LATS2: variants seen among roughly 807,000 people sequenced by gnomAD.
LATS2 encodes serine/threonine-protein kinase LATS2.
LATS2 carries 24 observed loss-of-function variants against 76.0 expected under a neutral mutation model. That is an observed-to-expected ratio of 0.32 (90% CI 0.23 to 0.44). The LOEUF (loss-of-function observed/expected upper bound fraction) is 0.44, where lower values mean the gene tolerates loss of function less well. Ranked by LOEUF, LATS2 falls within the 20% of genes least tolerant of loss-of-function variation. The probability of loss-of-function intolerance (pLI) is 1.00; values close to 1 mark genes in which losing one functional copy is unlikely to be tolerated. For synonymous variants in LATS2, 692 were observed against 635.4 expected, an observed-to-expected ratio of 1.09 and a Z score of -1.34; for missense variants, 1,286 against 1,481.2, an observed-to-expected ratio of 0.87 and a Z score of 2.16.
At chr13:21,036,658 A>C (rs1374561087) in intron 2 of LATS2, among the ~76,000 whole-genome samples, 3 of 152,026 alleles carry the variant, frequency 2.0e-5, no homozygotes, top group Non-Finnish European at 4.4e-5. Flanking sequence ...CTGTAATCCC[A>C]GCTACTCAAG....
chr13:20,988,013 C>T lies in LATS2; in HGVS notation c.1767G>A (p.Lys589=), dbSNP rs1221564621. ...PVRKNSRDEE[K]RESRIKSYSP... ...AGTAGCTCTTGATGCGTGACTCTCT[C>T]TTCTCTTCGTCTCTGCTGTTTTTGC... Residue 589 remains lysine (K), a synonymous_variant, in exon 4 of 8, where the codon AAG becomes AAA. Transcript: ENST00000382592. The T allele has an allele frequency of 2.5e-6, 4 of 1,614,272 alleles. No homozygotes were observed. The South Asian group carries it at 3.3e-5, about 13-fold the overall frequency.
intron 2 of LATS2, among the ~76,000 whole-genome samples, chr13:21,017,493 G>A (rs1455888810): frequency 1.3e-5 from 2 of 151,964 alleles, no homozygotes; most frequent in Non-Finnish European, 2.9e-5. Context: ...ACATTGTTAT[G>A]TGCAACCCAC....
chr13:21,019,295 TTTG>T (rs1366040006), intron 2 of LATS2, among the ~76,000 whole-genome samples: 5 of 108,770 alleles, frequency 4.6e-5, no homozygotes, highest in African/African-American at 6.9e-5. Context: ...CTCACTTGGA[TTTG>T]TTATTATTAT....
chr13:21,004,674 G>A (rs1243515114), intron 2 of LATS2, among the ~76,000 whole-genome samples: 8 of 152,148 alleles, frequency 5.3e-5, no homozygotes, highest in East Asian at 1.9e-4. Context: ...GGCAGGAAGC[G>A]CTTTGCTCTA....
intron 2 of LATS2, among the ~76,000 whole-genome samples, chr13:21,039,232 TAA>T (rs1220186778): frequency 1.3e-5 from 2 of 152,162 alleles, no homozygotes; most frequent in East Asian, 1.9e-4. Flanking sequence ...TTCCTAAACT[TAA>T]GTGTTTCTTT....
chr13:20,981,475 G>A lies in LATS2; in HGVS notation c.2656C>T (p.Leu886Phe), dbSNP rs748793724. ...GCCATGGCGCATGTACCTTTGCGGA[G>A]GAGCACCTCGGGTGCGATGTAGTTT... is the stretch of plus-strand genomic sequence containing the variant. ...TPNYIAPEVL[L>F]RKGYTQLCDW... The change falls in exon 6 of 8, where the codon CTC becomes TTC. Residue 886 changes from leucine (L) to phenylalanine (F), a missense_variant. By Grantham distance (22) the Leu-to-Phe change is conservative. Coordinates refer to ENST00000382592, the MANE Select transcript of LATS2 (RefSeq NM_014572.3). 11 of 1,613,424 alleles carry A rather than the reference G, an allele frequency of 6.8e-6. No individual in the cohort carries two copies. In the South Asian group the frequency reaches 1.2e-4, roughly 18 times the overall value.
chr13:21,001,801 C>A (rs1328365123), intron 2 of LATS2, among the ~76,000 whole-genome samples: 1 of 152,090 alleles, frequency 6.6e-6, no homozygotes, highest in African/African-American at 2.4e-5. Flanking sequence ...ATTGCTTGAA[C>A]CTGGCAGATG....
intron 7 of LATS2, among the ~76,000 whole-genome samples, chr13:20,977,006 A>T (rs2138261508): frequency 6.6e-6 from 1 of 152,318 alleles, no homozygotes; most frequent in Admixed American, 6.5e-5. Flanking sequence ...ATTCCACCTT[A>T]AAAAGGAAGC....
intron 2 of LATS2, among the ~76,000 whole-genome samples, chr13:21,009,487 T>C (rs565850647): frequency 6.6e-6 from 1 of 152,272 alleles, no homozygotes; most frequent in South Asian, 2.1e-4. Context: ...ATACTTATCC[T>C]AAGGGTAAGC....
At chr13:20,979,846 C>A in intron 6 of LATS2, 49 bp from the exon 7 acceptor site, 1 of 1,028,184 alleles carries the variant, frequency 9.7e-7, no homozygotes, top group Non-Finnish European at 1.5e-6. Context: ...AATTCTCCTC[C>A]GAGGTGAATT....
At chr13:20,985,976 G>A (rs1036927719) in intron 4 of LATS2, among the ~76,000 whole-genome samples, 12 of 151,362 alleles carry the variant, frequency 7.9e-5, no homozygotes, top group African/African-American at 4.8e-5. Flanking sequence ...CCCGGGAGGC[G>A]GAGGTTGTGG....
At chr13:20,990,473 TTTTTTTTTTTTTTTA>T (rs1474003901) in intron 3 of LATS2, among the ~76,000 whole-genome samples, 1 of 139,108 alleles carries the variant, frequency 7.2e-6, no homozygotes, top group Non-Finnish European at 1.6e-5. Flanking sequence ...TTTTTTTTTT[TTTTTTTTTTTTTTTA>T]AATACAGACG....
chr13:20,981,703 T>G (rs1001193376), intron 5 of LATS2, 55 bp from the exon 6 acceptor site: 1 of 1,435,352 alleles, frequency 7.0e-7, no homozygotes, highest in African/African-American at 1.4e-5. Flanking sequence ...AAAGTGAATT[T>G]TCACTCTTCA....
At position 21,030,232 on chromosome 13, in the gene LATS2, G is replaced by A. The variant is rs1248992277; in HGVS notation, c.342+15453C>T. ...TTACATTTCAACATGAAATTTGGGT[G>A]GGGACAAATATCCAAACTATATCAA... is the stretch of plus-strand genomic sequence containing the variant. On this transcript the variant is annotated intron_variant, in intron 2 of 7. Transcript: ENST00000382592. Among the ~76,000 whole-genome samples, 3 of 152,038 alleles carry A rather than the reference G, an allele frequency of 2.0e-5. No individual in the cohort carries two copies. In the East Asian group the frequency reaches 5.8e-4, roughly 29 times the overall value.
Position 20,981,638 on chromosome 13 carries a change from G to A in LATS2, c.2493C>T (p.Val831=). The stretch of plus-strand genomic sequence containing the variant: ...CGCTGGGCTCCATGCTGTCCTGTCT[G>A]ACATGGCTCCCTTCACCCAGGAATC... ...NSKYYQKGSH[V]RQDSMEPSDL... Residue 831 remains valine, a synonymous_variant, in exon 6 of 8, where the codon GTC becomes GTT. Coordinates refer to ENST00000382592, the MANE Select transcript of LATS2 (RefSeq NM_014572.3). 1.3e-6 allele frequency: 2 copies of A among 1,597,982 alleles called. No homozygotes were observed. The highest frequency in any genetic ancestry group is 1.7e-6 in the Non-Finnish European group (2 of 1,174,538).
intron 2 of LATS2, among the ~76,000 whole-genome samples, chr13:21,041,163 A>G (rs1216511752): frequency 1.3e-5 from 2 of 152,012 alleles, no homozygotes; most frequent in Non-Finnish European, 2.9e-5. Context: ...TAGTACAGAC[A>G]GGGTTTCACC....
At chr13:20,986,394 T>G (rs1870145556) in intron 4 of LATS2, among the ~76,000 whole-genome samples, 1 of 152,008 alleles carries the variant, frequency 6.6e-6, no homozygotes, top group Admixed American at 6.6e-5. Flanking sequence ...GATGAACAGA[T>G]AAAGAAAATG....
At chr13:21,036,305 T>C (rs1485303892) in intron 2 of LATS2, among the ~76,000 whole-genome samples, 1 of 152,084 alleles carries the variant, frequency 6.6e-6, no homozygotes, top group Non-Finnish European at 1.5e-5. Context: ...GGGCTGGGAT[T>C]ACAGGTGTGA....
intron 2 of LATS2, among the ~76,000 whole-genome samples, chr13:21,004,918 C>T (rs1408580215): frequency 6.6e-6 from 1 of 152,104 alleles, no homozygotes; most frequent in Non-Finnish European, 1.5e-5. Flanking sequence ...TCATCATGTG[C>T]CAGGCCATGA....
Sources: allele counts gnomAD v4.1 joint callset (sites outside exome capture counted in the v4.1 genomes callset), GRCh38; gene constraint gnomAD v4.1.1; transcripts MANE v1.5; gene names NCBI Gene and HGNC (gene_info 2026-07-23, HGNC 2026-07-21).